Variants in MLLT3 observed in about 807,000 individuals in gnomAD.
MLLT3 encodes protein AF-9.
Under a neutral mutation model 53.2 loss-of-function variants are expected in MLLT3, and 4 were observed. The observed-to-expected ratio is 0.08, with a 90% CI of 0.04 to 0.17. The LOEUF is 0.17. MLLT3 is among the 10% of genes least tolerant of loss of function. The pLI is 1.00. For synonymous variants in MLLT3, 283 were observed against 230.6 expected, an observed-to-expected ratio of 1.23 and a Z score of -2.06; for missense variants, 569 against 684.0, an observed-to-expected ratio of 0.83 and a Z score of 1.87.
intron 2 of MLLT3, among the ~76,000 whole-genome samples, chr9:20,483,307 T>A (rs897943164): frequency 2.0e-5 from 3 of 151,946 alleles, no homozygotes; most frequent in Non-Finnish European, 4.4e-5. Context: ...CAGTCATGGC[T>A]CACTATAGCC....
intron 2 of MLLT3, among the ~76,000 whole-genome samples, chr9:20,491,377 G>T (rs1824943042): frequency 6.6e-6 from 1 of 151,958 alleles, no homozygotes; most frequent in African/African-American, 2.4e-5. Flanking sequence ...ACTATATACA[G>T]TACCACACTA....
rs1174787165 is a variant in MLLT3, at chr9:20,346,326, G to C, written c.*117C>G. Reference sequence around the variant, plus strand: ...TTTGATTTTTATTTTTTCCCTTTTGGTTGCATCATTTTGAGTGTTTTCATA... The same window carrying C: ...TTTGATTTTTATTTTTTCCCTTTTGCTTGCATCATTTTGAGTGTTTTCATA... On this transcript the variant is annotated 3_prime_UTR_variant, in exon 11 of 11. Transcript: ENST00000380338. 1 of 1,020,858 alleles carries C rather than the reference G, an allele frequency of 9.8e-7. No homozygotes were observed. The highest frequency in any genetic ancestry group is 1.7e-5 in the African/African-American group (1 of 57,434). The allele number at this position is 1,020,858 out of a possible 1,614,324, so 63.2% of individuals were successfully genotyped here.
intron 5 of MLLT3, among the ~76,000 whole-genome samples, chr9:20,399,457 G>C (rs149178121): frequency 6.6e-6 from 1 of 152,160 alleles, no homozygotes; most frequent in African/African-American, 2.4e-5. Context: ...CTGGTCAGGA[G>C]AAAAACACTT....
chr9:20,457,484 G>C (rs1385152131), intron 2 of MLLT3, among the ~76,000 whole-genome samples: 2 of 151,726 alleles, frequency 1.3e-5, no homozygotes, highest in East Asian at 3.9e-4. Context: ...CCCGACCTCA[G>C]GTGATCTGTC....
intron 2 of MLLT3, among the ~76,000 whole-genome samples, chr9:20,483,146 A>G (rs1345347407): frequency 6.6e-6 from 1 of 152,178 alleles, no homozygotes; most frequent in African/African-American, 2.4e-5. Flanking sequence ...TAGAAATCCC[A>G]CACCCAGTAA....
chr9:20,492,441 T>C (rs78585218), intron 2 of MLLT3, among the ~76,000 whole-genome samples: 3,093 of 152,084 alleles, frequency 0.02, 106 homozygotes, highest in African/African-American at 0.069. Context: ...ATACTTTACA[T>C]GCATTTATAT....
intron 2 of MLLT3, among the ~76,000 whole-genome samples, chr9:20,533,658 A>G (rs1044478698): frequency 2.6e-5 from 4 of 152,250 alleles, no homozygotes; most frequent in African/African-American, 9.6e-5. Flanking sequence ...AAACAAGCCA[A>G]GTGTCCATCC....
Position 20,342,850 on chromosome 9 carries a change from A to G in MLLT3, c.*3593T>C. 5.8e-6 allele frequency: 1 copy of G among 172,818 alleles called. No individual in the cohort carries two copies. Among genetic ancestry groups the G allele is most frequent in the Non-Finnish European group, 1.2e-5 (1 of 81,536 alleles). 10.7% of individuals were successfully genotyped at this position (172,818 alleles called of 1,614,324 possible). The stretch of plus-strand genomic sequence containing the variant: ...TATATATGTGTATATATATATATAT[A>G]TGTATATATAAATATAGGAGCAGTA... On this transcript the variant is annotated 3_prime_UTR_variant, in exon 11 of 11. Coordinates refer to ENST00000380338, the MANE Select transcript of MLLT3 (RefSeq NM_004529.4).
chr9:20,563,531 A>T (rs1244691845), intron 2 of MLLT3, among the ~76,000 whole-genome samples: 1 of 152,136 alleles, frequency 6.6e-6, no homozygotes, highest in Admixed American at 6.6e-5. Flanking sequence ...ACAGCTCCAT[A>T]AAGGTCCACA....
In MLLT3 at chr9:20,343,370, T is replaced by C. The variant is rs1010401019; in HGVS notation, c.*3073A>G. 4.7e-5 allele frequency: 10 copies of C among 211,218 alleles called. No individual in the cohort carries two copies. The highest frequency in any genetic ancestry group is 7.1e-5 in the East Asian group (1 of 14,132). The allele number at this position is 211,218 out of a possible 1,614,324, so 13.1% of individuals were successfully genotyped here. A position where few individuals can be genotyped will look rare whatever the true frequency, so the allele number is the denominator to read the frequency against. On this transcript the variant is annotated 3_prime_UTR_variant, in exon 11 of 11. Coordinates refer to ENST00000380338, the MANE Select transcript of MLLT3 (RefSeq NM_004529.4). ...TTTTTTTCCTGATCTGAAGTTTTTA[T>C]AGTCTTCCCTACCTTGACACTATAT...
At chr9:20,459,583 T>G (rs1454461001) in intron 2 of MLLT3, among the ~76,000 whole-genome samples, 3 of 152,246 alleles carry the variant, frequency 2.0e-5, no homozygotes, top group African/African-American at 7.2e-5. Context: ...TGTGGGCTGC[T>G]GCACATGCCA....
At chr9:20,532,870 C>A in intron 2 of MLLT3, 3 of 263,272 alleles carry the variant, frequency 1.1e-5, no homozygotes, top group Non-Finnish European at 2.2e-5. Context: ...AGACCAGAGG[C>A]AAAGCAAGAC....
intron 2 of MLLT3, among the ~76,000 whole-genome samples, chr9:20,577,107 T>C (rs565213009): frequency 3.2e-4 from 49 of 152,302 alleles, no homozygotes; most frequent in Non-Finnish European, 6.3e-4. Context: ...CCAAAACATA[T>C]AACTCTTTCT....
At chr9:20,534,321 T>C (rs1375930126) in intron 2 of MLLT3, among the ~76,000 whole-genome samples, 2 of 152,218 alleles carry the variant, frequency 1.3e-5, no homozygotes, top group Admixed American at 1.3e-4. Context: ...AATGCATCTT[T>C]AGAGCTTTCA....
At chr9:20,542,839 T>C (rs763257274) in intron 2 of MLLT3, among the ~76,000 whole-genome samples, 27 of 152,212 alleles carry the variant, frequency 1.8e-4, no homozygotes, top group Admixed American at 2.0e-4. Flanking sequence ...TTGGTTTACA[T>C]TGAAAATCTG....
At chr9:20,513,538 C>A (rs1047338257) in intron 2 of MLLT3, among the ~76,000 whole-genome samples, 2 of 152,190 alleles carry the variant, frequency 1.3e-5, no homozygotes, top group African/African-American at 4.8e-5. Context: ...ACTAACCAAG[C>A]AGGTTTCCTG....
intron 2 of MLLT3, among the ~76,000 whole-genome samples, chr9:20,548,837 T>C (rs79789989): frequency 5.2e-4 from 79 of 151,836 alleles, no homozygotes; most frequent in African/African-American, 1.5e-3. Flanking sequence ...TTTTTTTTTT[T>C]CCAAACAGGG....
chr9:20,587,978 T>G (rs966043541), intron 2 of MLLT3, among the ~76,000 whole-genome samples: 2 of 150,374 alleles, frequency 1.3e-5, no homozygotes, highest in African/African-American at 4.9e-5. Flanking sequence ...GTTTTAGGTC[T>G]AACATTTAAG....
chr9:20,610,227 T>C (rs1036836383), intron 2 of MLLT3, among the ~76,000 whole-genome samples: 2 of 152,164 alleles, frequency 1.3e-5, no homozygotes, highest in African/African-American at 4.8e-5. Context: ...AGGCTGGTTG[T>C]ATTTCATGGA....
Sources: gnomAD v4.1 joint callset for allele counts (sites outside exome capture counted in the v4.1 genomes callset) on GRCh38, gnomAD v4.1.1 for gene constraint, MANE v1.5 for transcripts, NCBI Gene and HGNC (gene_info 2026-07-23, HGNC 2026-07-21) for gene names.